The following ACOXL variants were observed in gnomAD, a reference collection of about 807,000 sequenced individuals.
ACOXL encodes acyl-coenzyme A oxidase-like protein.
A neutral mutation model predicts 71.9 loss-of-function variants in ACOXL; 70 were observed. The ratio of observed to expected loss-of-function variants is 0.97; its 90% CI spans 0.80 to 1.19. The LOEUF (loss-of-function observed/expected upper bound fraction) is 1.19, where lower values mean the gene tolerates loss of function less well. Ranked by LOEUF, ACOXL falls within the 50% of genes most tolerant of loss-of-function variation. The pLI, the probability that ACOXL is intolerant of heterozygous loss-of-function variation, is 0.00. For synonymous variants in ACOXL, 253 were observed against 281.6 expected (o/e 0.90, Z 1.02); for missense variants, 703 against 736.3 (o/e 0.95, Z 0.52).
At chr2:110,809,697 C>T (rs1263210945) in intron 9 of ACOXL, among the ~76,000 whole-genome samples, 1 of 152,152 alleles carries the variant, frequency 6.6e-6, no homozygotes, top group Non-Finnish European at 1.5e-5. Context: ...TTATTGCATC[C>T]TTGAGTAACC....
intron 11 of ACOXL, among the ~76,000 whole-genome samples, chr2:110,913,856 A>C (rs2059740649): frequency 6.6e-6 from 1 of 152,166 alleles, no homozygotes; most frequent in African/African-American, 2.4e-5. Flanking sequence ...TGAAACAATT[A>C]GATTTTGTGA....
intron 12 of ACOXL, among the ~76,000 whole-genome samples, chr2:110,975,058 A>G (rs1341825972): frequency 6.6e-6 from 1 of 152,188 alleles, no homozygotes; most frequent in Non-Finnish European, 1.5e-5. Flanking sequence ...GCTGCGTACC[A>G]GCGGTGGGGC....
At chr2:111,113,451 T>C (rs2150086780) in intron 17 of ACOXL, among the ~76,000 whole-genome samples, 1 of 152,336 alleles carries the variant, frequency 6.6e-6, no homozygotes, top group Non-Finnish European at 1.5e-5. Flanking sequence ...TGTTGCCACA[T>C]AGCATTGTTA....
chr2:110,752,068 A>G (rs1273557770), intron 1 of ACOXL, among the ~76,000 whole-genome samples: 1 of 143,100 alleles, frequency 7.0e-6, no homozygotes, highest in African/African-American at 2.6e-5. Flanking sequence ...TGTCTCGCCC[A>G]GGCTGGAGTG....
intron 12 of ACOXL, among the ~76,000 whole-genome samples, chr2:110,939,587 C>T (rs1278776787): frequency 6.6e-6 from 1 of 152,124 alleles, no homozygotes; most frequent in Non-Finnish European, 1.5e-5. Flanking sequence ...TTATTATAAA[C>T]AACACTATAG....
intron 2 of ACOXL, among the ~76,000 whole-genome samples, chr2:110,771,186 C>T (rs1030679330): frequency 3.9e-5 from 6 of 152,276 alleles, no homozygotes; most frequent in South Asian, 2.1e-4. Context: ...GCCATCAGTG[C>T]GGCAGGCTCA....
chr2:110,911,246 A>G (rs1016719111), intron 11 of ACOXL, among the ~76,000 whole-genome samples: 3 of 152,114 alleles, frequency 2.0e-5, no homozygotes, highest in African/African-American at 7.2e-5. Context: ...ACTTCCCACA[A>G]TGAAAATCCC....
chr2:110,972,822 T>C (rs1404183926), intron 12 of ACOXL, among the ~76,000 whole-genome samples: 1 of 152,166 alleles, frequency 6.6e-6, no homozygotes, highest in African/African-American at 2.4e-5. Flanking sequence ...ACCTGTGAAA[T>C]GTTTACCAGG....
intron 14 of ACOXL, among the ~76,000 whole-genome samples, chr2:111,013,208 A>G (rs187372258): frequency 2.0e-5 from 3 of 152,182 alleles, no homozygotes; most frequent in African/African-American, 7.2e-5. Context: ...GGAAAAATAC[A>G]GCTCTCAAAA....
chr2:110,846,137 T>C (rs906087512), intron 10 of ACOXL, among the ~76,000 whole-genome samples: 1 of 152,146 alleles, frequency 6.6e-6, no homozygotes, highest in Non-Finnish European at 1.5e-5. Flanking sequence ...CTTTAGATTC[T>C]AAATCTAAGA....
At chr2:110,878,092 T>C (rs984232156) in intron 10 of ACOXL, among the ~76,000 whole-genome samples, 13 of 152,190 alleles carry the variant, frequency 8.5e-5, no homozygotes, top group African/African-American at 2.9e-4. Flanking sequence ...TTTCTGAAAA[T>C]CACAGGCCTT....
At chr2:111,062,507 A>C (rs1279743726) in intron 16 of ACOXL, among the ~76,000 whole-genome samples, 2 of 152,146 alleles carry the variant, frequency 1.3e-5, no homozygotes, top group Non-Finnish European at 2.9e-5. Context: ...ACAACAGCAG[A>C]ATGCATTATT....
chr2:111,029,683 C>T (rs1379974576), intron 14 of ACOXL, among the ~76,000 whole-genome samples: 1 of 152,142 alleles, frequency 6.6e-6, no homozygotes, highest in African/African-American at 2.4e-5. Flanking sequence ...TTCTTCCTGC[C>T]TGGGGCGGGT....
At chr2:110,952,550 TC>T (rs2061367844) in intron 12 of ACOXL, among the ~76,000 whole-genome samples, 1 of 152,044 alleles carries the variant, frequency 6.6e-6, no homozygotes, top group South Asian at 2.1e-4. Flanking sequence ...GCTCAAGAGA[TC>T]CTCCCTCAGC....
chr2:111,012,804 T>G (rs1244909996), intron 14 of ACOXL, among the ~76,000 whole-genome samples: 1 of 152,172 alleles, frequency 6.6e-6, no homozygotes, highest in Non-Finnish European at 1.5e-5. Flanking sequence ...GTAAAAGGGA[T>G]CCTTAGAGGG....
At chr2:110,996,845 T>C (rs1202186733) in intron 14 of ACOXL, among the ~76,000 whole-genome samples, 2 of 152,182 alleles carry the variant, frequency 1.3e-5, no homozygotes, top group Non-Finnish European at 2.9e-5. Context: ...GGAAATGCTT[T>C]GGAAACAGAA....
chr2:111,117,539 T>A, intron 17 of ACOXL, 77 bp from the exon 18 acceptor site: 2 of 1,458,420 alleles, frequency 1.4e-6, no homozygotes, highest in South Asian at 2.4e-5. Context: ...GGGTGCTTGG[T>A]GGGCTGAAAG....
chr2:110,803,652 G>GA (rs1312885866), intron 8 of ACOXL, among the ~76,000 whole-genome samples: 1 of 151,984 alleles, frequency 6.6e-6, no homozygotes, highest in Non-Finnish European at 1.5e-5. Flanking sequence ...ACTAACCAAA[G>GA]AAAAAATAGA....
At chr2:110,818,057 A>C (rs1482496031) in intron 9 of ACOXL, among the ~76,000 whole-genome samples, 3 of 151,398 alleles carry the variant, frequency 2.0e-5, no homozygotes, top group Admixed American at 2.0e-4. Flanking sequence ...TCAATGTTGC[A>C]AGATAATTCC....
Sources: gnomAD v4.1 joint callset for allele counts (sites outside exome capture counted in the v4.1 genomes callset) on GRCh38, gnomAD v4.1.1 for gene constraint, MANE v1.5 for transcripts, NCBI Gene and HGNC (gene_info 2026-07-23, HGNC 2026-07-21) for gene names.